Variants in TACR3 observed in about 807,000 individuals in gnomAD.
TACR3 encodes the protein tachykinin receptor 3, also known as neuromedin-K receptor.
TACR3 carries 34 observed loss-of-function variants against 35.0 expected under a neutral mutation model. The observed-to-expected ratio is 0.97, with a 90% CI of 0.74 to 1.30. The LOEUF (loss-of-function observed/expected upper bound fraction) is 1.30. Among genes scored for constraint, TACR3 ranks in the 50% most tolerant of loss-of-function variants. The pLI is 0.00. For missense variants in TACR3, 558 were observed against 591.7 expected (o/e 0.94, Z 0.59); for synonymous variants, 233 against 221.1 (o/e 1.05, Z -0.48).
At chr4:103,628,154 A>C (rs947498418) in intron 3 of TACR3, among the ~76,000 whole-genome samples, 1 of 152,200 alleles carries the variant, frequency 6.6e-6, no homozygotes, top group African/African-American at 2.4e-5. Context: ...CAGTGTGTAG[A>C]GGGAAATTTA....
chr4:103,697,378 C>T (rs1048689386), intron 1 of TACR3, among the ~76,000 whole-genome samples: 3 of 150,572 alleles, frequency 2.0e-5, no homozygotes, highest in Non-Finnish European at 4.4e-5. Flanking sequence ...GTTGGGGGCA[C>T]TTGTGTTATT....
rs1238837981 is a variant in TACR3, at chr4:103,587,409, G to A, written c.*2273C>T. 1 of 152,064 alleles carries A rather than the reference G, an allele frequency of 6.6e-6. No individual in the cohort carries two copies. The highest frequency in any genetic ancestry group is 2.4e-5 in the African/African-American group (1 of 41,420). 9.4% of individuals were successfully genotyped at this position (152,064 alleles called of 1,614,324 possible). ...TCTGGGTATTTCTGTCACACTAGAA[G>A]GGAGGTGCTCGGTAAGCAACACAAC... is the stretch of plus-strand genomic sequence containing the variant. On this transcript the variant is annotated 3_prime_UTR_variant, in exon 5 of 5. Coordinates refer to ENST00000304883, the MANE Select transcript of TACR3 (RefSeq NM_001059.3).
intron 1 of TACR3, among the ~76,000 whole-genome samples, chr4:103,690,141 A>G (rs1032062238): frequency 6.6e-6 from 1 of 152,162 alleles, no homozygotes; most frequent in African/African-American, 2.4e-5. Context: ...AAACGAGACA[A>G]TGCGTTATGA....
At chr4:103,687,052 T>A (rs1157758171) in intron 1 of TACR3, among the ~76,000 whole-genome samples, 5 of 152,102 alleles carry the variant, frequency 3.3e-5, no homozygotes, top group Middle Eastern at 3.4e-3. Flanking sequence ...TCCACCATGA[T>A]CAAGTGGGCT....
intron 3 of TACR3, among the ~76,000 whole-genome samples, chr4:103,638,910 G>A (rs1318559013): frequency 6.6e-6 from 1 of 152,170 alleles, no homozygotes; most frequent in East Asian, 1.9e-4. Context: ...ACACCAGTTA[G>A]AATGGCGATC....
intron 3 of TACR3, among the ~76,000 whole-genome samples, chr4:103,635,396 G>A (rs1379059728): frequency 1.3e-5 from 2 of 151,880 alleles, no homozygotes; most frequent in Non-Finnish European, 2.9e-5. Flanking sequence ...GAGGGGAGAG[G>A]TCTCCATGCT....
chr4:103,608,854 T>C (rs1724446504), intron 3 of TACR3, among the ~76,000 whole-genome samples: 1 of 152,100 alleles, frequency 6.6e-6, no homozygotes. Context: ...AAATCTAATT[T>C]CATCTATTGT....
rs1450492810 is a variant in TACR3 at position 103,589,658 on chromosome 4, A to C, written c.*24T>G. 1.2e-6 allele frequency: 2 copies of C among 1,613,088 alleles called. No homozygotes were observed. The highest frequency in any genetic ancestry group is 1.7e-6 in the Non-Finnish European group (2 of 1,179,250). ...ACTGGCACCATGATGGTCTCACACT[A>C]ATCTTTTACCTCAGGAAATGGAATT... On this transcript the variant is annotated 3_prime_UTR_variant, in exon 5 of 5. Transcript: ENST00000304883.
intron 1 of TACR3, among the ~76,000 whole-genome samples, chr4:103,674,597 G>C (rs1207886222): frequency 6.6e-6 from 1 of 152,144 alleles, no homozygotes; most frequent in Non-Finnish European, 1.5e-5. Flanking sequence ...CTGTCACCAG[G>C]CTGGAGTGCA....
rs187982693 is a variant in TACR3 at position 103,707,646 on chromosome 4, C to T, written c.548+11482G>A. ...GTTCATCTCACTGGGGTTTGTCAGA[C>T]AGTGGGTACAGGACAGTGGGTGCAG... On this transcript the variant is annotated intron_variant, in intron 1 of 4. Transcript: ENST00000304883. Among the ~76,000 whole-genome samples, 105 of 151,746 alleles carry T rather than the reference C, an allele frequency of 6.9e-4. 1 individual carries two copies. The highest frequency in any genetic ancestry group is 2.5e-3 in the South Asian group (12 of 4,824).
chr4:103,593,618 G>A (rs555368420), intron 3 of TACR3, among the ~76,000 whole-genome samples: 2 of 152,186 alleles, frequency 1.3e-5, no homozygotes, highest in South Asian at 4.1e-4. Flanking sequence ...TCCTTGAACA[G>A]GGTAGTTAAG....
At chr4:103,683,470 C>CAAAAAAAAAAAAAAAA (rs57761679) in intron 1 of TACR3, among the ~76,000 whole-genome samples, 43 of 21,144 alleles carry the variant, frequency 2.0e-3, no homozygotes, top group Admixed American at 7.0e-3. Flanking sequence ...AAAGACTGAC[C>CAAAAAAAAAAAAAAAA]AAAAAAAAAA....
intron 3 of TACR3, among the ~76,000 whole-genome samples, chr4:103,611,221 T>C (rs902880708): frequency 6.6e-6 from 1 of 152,156 alleles, no homozygotes; most frequent in African/African-American, 2.4e-5. Flanking sequence ...GTAGTATGGA[T>C]ATTTTAGCAA....
At chr4:103,715,259 G>T (rs1350492431) in intron 1 of TACR3, among the ~76,000 whole-genome samples, 3 of 152,166 alleles carry the variant, frequency 2.0e-5, no homozygotes, top group African/African-American at 7.2e-5. Context: ...ATTGGATCAT[G>T]GGGTGGATCT....
intron 1 of TACR3, among the ~76,000 whole-genome samples, chr4:103,686,824 G>A (rs927460247): frequency 2.0e-5 from 3 of 152,170 alleles, no homozygotes; most frequent in South Asian, 2.1e-4. Context: ...GGTACAAGGA[G>A]GAACTGGTAC....
chr4:103,623,804 T>G (rs934148228), intron 3 of TACR3, among the ~76,000 whole-genome samples: 4 of 152,150 alleles, frequency 2.6e-5, no homozygotes, highest in Non-Finnish European at 5.9e-5. Context: ...TCTTGCTTGG[T>G]AATGAAATTT....
chr4:103,688,781 A>C (rs1722318953), intron 1 of TACR3, among the ~76,000 whole-genome samples: 1 of 152,136 alleles, frequency 6.6e-6, no homozygotes, highest in Non-Finnish European at 1.5e-5. Flanking sequence ...AGAAATAGGA[A>C]CACTTTTACA....
chr4:103,653,933 A>G (rs1399827201), intron 3 of TACR3, among the ~76,000 whole-genome samples: 3 of 151,966 alleles, frequency 2.0e-5, no homozygotes, highest in African/African-American at 4.8e-5. Flanking sequence ...GCAGCCAAAA[A>G]ACACATGAAA....
chr4:103,694,216 A>T (rs1412071629), intron 1 of TACR3, among the ~76,000 whole-genome samples: 1 of 148,032 alleles, frequency 6.8e-6, no homozygotes, highest in African/African-American at 2.7e-5. Flanking sequence ...ACTTCCTTAC[A>T]CTATGCACAT....
Sources: allele counts gnomAD v4.1 joint callset (sites outside exome capture counted in the v4.1 genomes callset), GRCh38; gene constraint gnomAD v4.1.1; transcripts MANE v1.5; gene names NCBI Gene and HGNC (gene_info 2026-07-23, HGNC 2026-07-21).